Variants in PTPRT observed in about 807,000 individuals in gnomAD.
The protein encoded by PTPRT is protein tyrosine phosphatase receptor type T, also known as receptor-type tyrosine-protein phosphatase T.
A neutral mutation model predicts 176.8 loss-of-function variants in PTPRT; 56 were observed. The ratio of observed to expected loss-of-function variants is 0.32; its 90% CI spans 0.26 to 0.40. PTPRT has a LOEUF of 0.40. Among genes scored for constraint, PTPRT ranks in the 10% least tolerant of loss-of-function variants. PTPRT has a pLI of 1.00. For synonymous variants in PTPRT, 783 were observed against 739.0 expected, an observed-to-expected ratio of 1.06 and a Z score of -0.96; for missense variants, 1,540 against 1,908.2, an observed-to-expected ratio of 0.81 and a Z score of 3.60.
At chr20:42,970,901 ACGACAG>A (rs1982596204) in intron 1 of PTPRT, 1 of 152,214 alleles carries the variant, frequency 6.6e-6, no homozygotes, top group Non-Finnish European at 1.5e-5. Flanking sequence ...AGAAACTGAG[ACGACAG>A]CAAGTCACAG....
At chr20:42,345,216 AG>A (rs1304060080) in intron 11 of PTPRT, among the ~76,000 whole-genome samples, 1 of 152,002 alleles carries the variant, frequency 6.6e-6, no homozygotes, top group Non-Finnish European at 1.5e-5. Flanking sequence ...TCAGTTTCCT[AG>A]TTGTACTAGC....
At chr20:42,523,101 G>T (rs929505950) in intron 7 of PTPRT, among the ~76,000 whole-genome samples, 4 of 152,090 alleles carry the variant, frequency 2.6e-5, no homozygotes, top group African/African-American at 9.7e-5. Flanking sequence ...TCTTACTGTT[G>T]ACCCCTTGTT....
intron 1 of PTPRT, among the ~76,000 whole-genome samples, chr20:43,186,912 T>G (rs1232199283): frequency 6.6e-6 from 1 of 152,260 alleles, no homozygotes; most frequent in Non-Finnish European, 1.5e-5. Flanking sequence ...ATGTGGATTC[T>G]GAAACCCACT....
intron 1 of PTPRT, among the ~76,000 whole-genome samples, chr20:43,063,996 A>C (rs1286653554): frequency 6.6e-6 from 1 of 151,688 alleles, no homozygotes; most frequent in African/African-American, 2.4e-5. Flanking sequence ...CCTTATATTT[A>C]CCCGTGGACT....
chr20:42,841,646 CACACACACACACAT>C (rs755275877), intron 2 of PTPRT, among the ~76,000 whole-genome samples: 6 of 145,244 alleles, frequency 4.1e-5, no homozygotes, highest in East Asian at 4.4e-4. Context: ...CACACACACA[CACACACACACACAT>C]AATCTCTCTC....
At chr20:42,210,883 T>C (rs1458963838) in intron 15 of PTPRT, among the ~76,000 whole-genome samples, 2 of 152,072 alleles carry the variant, frequency 1.3e-5, no homozygotes, top group South Asian at 2.1e-4. Flanking sequence ...TCACACTACC[T>C]GACTTCAAAC....
At chr20:42,182,908 GT>G (rs1990582898) in intron 16 of PTPRT, among the ~76,000 whole-genome samples, 1 of 3,830 alleles carries the variant, frequency 2.6e-4, no homozygotes, top group Non-Finnish European at 4.8e-4. Flanking sequence ...ACAAGCAGGG[GT>G]GTGTGTGTGT....
Position 42,078,576 on chromosome 20 carries a change from C to A in PTPRT, c.*2303G>T. The A allele has an allele frequency of 5.3e-6, 1 of 189,006 alleles. No homozygotes were observed. The highest frequency in any genetic ancestry group is 2.3e-5 in the African/African-American group (1 of 42,876). The allele number at this position is 189,006 out of a possible 1,614,324, so 11.7% of individuals were successfully genotyped here. A position where few individuals can be genotyped will look rare whatever the true frequency, so the allele number is the denominator to read the frequency against. Reference sequence around the variant, plus strand: ...TTGGCCCAGAAGGAGTCTTGGCCAACACGAAGCTGAGTGCATCTCTCTAAA... The same window carrying A: ...TTGGCCCAGAAGGAGTCTTGGCCAAAACGAAGCTGAGTGCATCTCTCTAAA... On this transcript the variant is annotated 3_prime_UTR_variant, in exon 31 of 31. Coordinates refer to ENST00000373187, the MANE Select transcript of PTPRT (RefSeq NM_007050.6).
At chr20:42,211,910 A>T (rs929999852) in intron 15 of PTPRT, among the ~76,000 whole-genome samples, 1 of 151,364 alleles carries the variant, frequency 6.6e-6, no homozygotes, top group Admixed American at 6.6e-5. Flanking sequence ...ATGTCCAACA[A>T]TGATAGACTG....
chr20:42,259,569 G>A (rs2056710828), intron 13 of PTPRT, among the ~76,000 whole-genome samples: 1 of 152,222 alleles, frequency 6.6e-6, no homozygotes, highest in African/African-American at 2.4e-5. Context: ...TCAGTCTGTG[G>A]TAAGACTAAG....
chr20:42,101,156 G>C (rs552872308), intron 26 of PTPRT, among the ~76,000 whole-genome samples: 2 of 152,306 alleles, frequency 1.3e-5, no homozygotes, highest in East Asian at 3.9e-4. Context: ...ATTATATCAG[G>C]CAATGGTGTT....
At position 42,260,338 on chromosome 20, in the gene PTPRT, C is replaced by T. The variant is rs541974625; in HGVS notation, c.2177-11516G>A. On this transcript the variant is annotated intron_variant, in intron 13 of 30. Transcript: ENST00000373187. ...GTCATCTCAGTGCTGACAGTACTGG[C>T]TCCTTGCTTATAGAATCTGTGCTTT... Among the ~76,000 whole-genome samples the T allele has an allele frequency of 6.6e-5, 10 of 152,318 alleles. No individual in the cohort carries two copies. In the South Asian group the frequency reaches 2.1e-3, roughly 32 times the overall value.
intron 9 of PTPRT, among the ~76,000 whole-genome samples, chr20:42,442,301 G>A (rs548189693): frequency 2.6e-5 from 4 of 152,122 alleles, no homozygotes; most frequent in South Asian, 4.2e-4. Context: ...CCTGGGGCCC[G>A]TGCTTTTTGT....
At chr20:43,172,528 C>T (rs2015027373) in intron 1 of PTPRT, among the ~76,000 whole-genome samples, 1 of 152,176 alleles carries the variant, frequency 6.6e-6, no homozygotes. Context: ...CATCTCCATC[C>T]TGGGCAAACG....
intron 7 of PTPRT, among the ~76,000 whole-genome samples, chr20:42,633,784 A>AATATATATATATATAT (rs752371452): frequency 2.6e-4 from 14 of 53,376 alleles, no homozygotes; most frequent in African/African-American, 7.5e-4. Flanking sequence ...AGACTCTGAA[A>AATATATATATATATAT]ATATATATAT....
In PTPRT at chr20:42,846,070, G is replaced by A. The variant is rs149874161; in HGVS notation, c.214+39737C>T. ...GGCCTCAAAACCTTACCACCATCAC[G>A]CCCACCACCCACCAGCCTCCGTGTG... On this transcript the variant is annotated intron_variant, in intron 2 of 30. Coordinates refer to ENST00000373187, the MANE Select transcript of PTPRT (RefSeq NM_007050.6). Among the ~76,000 whole-genome samples the A allele has an allele frequency of 4.9e-3, 746 of 152,154 alleles. 3 individuals carry two copies. The highest frequency in any genetic ancestry group is 0.017 in the African/African-American group (689 of 41,510).
At chr20:42,240,243 T>G (rs973200116) in intron 14 of PTPRT, among the ~76,000 whole-genome samples, 1 of 152,180 alleles carries the variant, frequency 6.6e-6, no homozygotes, top group African/African-American at 2.4e-5. Flanking sequence ...ATTAATTGAA[T>G]CTCTTTTCCC....
At chr20:42,436,778 T>A (rs931322350) in intron 9 of PTPRT, among the ~76,000 whole-genome samples, 12 of 152,212 alleles carry the variant, frequency 7.9e-5, no homozygotes, top group African/African-American at 2.9e-4. Flanking sequence ...GCAACCCCAA[T>A]GTTTATGAAA....
At chr20:42,962,222 G>T (rs186494244) in intron 1 of PTPRT, among the ~76,000 whole-genome samples, 3 of 152,200 alleles carry the variant, frequency 2.0e-5, no homozygotes, top group Non-Finnish European at 4.4e-5. Context: ...AGTTTATAGG[G>T]TTGATATCTT....
Sources: gnomAD v4.1 joint callset for allele counts (sites outside exome capture counted in the v4.1 genomes callset) on GRCh38, gnomAD v4.1.1 for gene constraint, MANE v1.5 for transcripts, NCBI Gene and HGNC (gene_info 2026-07-23, HGNC 2026-07-21) for gene names.